The following MPP7 variants were observed in gnomAD, a reference collection of about 807,000 sequenced individuals.
MPP7 encodes the protein MAGUK p55 subfamily member 7.
A neutral mutation model predicts 76.5 loss-of-function variants in MPP7; 60 were observed. The observed-to-expected ratio is 0.78, with a 90% confidence interval of 0.64 to 0.97. The LOEUF is 0.97. Among genes scored for constraint, MPP7 ranks in the 50% least tolerant of loss-of-function variants. The probability of loss-of-function intolerance (pLI) is 0.00; values close to 1 mark genes in which losing one functional copy is unlikely to be tolerated. For synonymous variants in MPP7, 237 were observed against 244.5 expected, an observed-to-expected ratio of 0.97 and a Z score of 0.29; for missense variants, 641 against 694.0, an observed-to-expected ratio of 0.92 and a Z score of 0.86.
intron 1 of MPP7, among the ~76,000 whole-genome samples, chr10:28,333,705 G>A (rs1834490413): frequency 1.3e-5 from 2 of 152,212 alleles, no homozygotes; most frequent in Non-Finnish European, 2.9e-5. Context: ...GCAGGAAACA[G>A]TTTCCATTTG....
intron 2 of MPP7, among the ~76,000 whole-genome samples, chr10:28,227,254 T>C (rs1161861248): frequency 6.6e-6 from 1 of 152,246 alleles, no homozygotes; most frequent in African/African-American, 2.4e-5. Context: ...CACTGCTTCT[T>C]GTTCACAGAG....
chr10:28,165,172 G>A (rs540904483), intron 3 of MPP7, among the ~76,000 whole-genome samples: 24 of 152,150 alleles, frequency 1.6e-4, no homozygotes, highest in African/African-American at 4.3e-4. Flanking sequence ...CATCCAAATC[G>A]CCCGAGCCTG....
At chr10:28,081,353 G>A (rs1285176661) in intron 12 of MPP7, among the ~76,000 whole-genome samples, 3 of 152,130 alleles carry the variant, frequency 2.0e-5, no homozygotes, top group African/African-American at 4.8e-5. Flanking sequence ...AAAAAGTTGG[G>A]TTTCACTGAA....
intron 6 of MPP7, among the ~76,000 whole-genome samples, chr10:28,129,323 A>G (rs1466475105): frequency 6.6e-6 from 1 of 152,162 alleles, no homozygotes; most frequent in African/African-American, 2.4e-5. Context: ...AATTATTTTG[A>G]ATTTATTCTA....
intron 2 of MPP7, among the ~76,000 whole-genome samples, chr10:28,312,206 G>A (rs533689965): frequency 5.9e-5 from 9 of 152,110 alleles, no homozygotes; most frequent in South Asian, 2.1e-4. Context: ...TTGTCCCCTC[G>A]CATGTTCTGT....
At chr10:28,116,153 T>C (rs1040151963) in intron 11 of MPP7, among the ~76,000 whole-genome samples, 2 of 152,174 alleles carry the variant, frequency 1.3e-5, no homozygotes, top group African/African-American at 4.8e-5. Flanking sequence ...CAATATATAC[T>C]GGATTTAAAT....
At chr10:28,290,764 C>T (rs1840897892) in intron 1 of MPP7, among the ~76,000 whole-genome samples, 2 of 152,114 alleles carry the variant, frequency 1.3e-5, no homozygotes, top group African/African-American at 4.8e-5. Context: ...TGAGCCACCA[C>T]GCCCGGCCCC....
At chr10:28,234,131 G>A (rs1838989398) in intron 2 of MPP7, among the ~76,000 whole-genome samples, 1 of 152,094 alleles carries the variant, frequency 6.6e-6, no homozygotes, top group Admixed American at 6.5e-5. Context: ...CTAGGACTGG[G>A]GCAGGAAATA....
rs376513070 is a variant in MPP7, at chr10:28,093,914, C to CT, written c.953-4074_953-4073insA. Among the ~76,000 whole-genome samples, 598 of 152,304 alleles carry CT rather than the reference C, an allele frequency of 3.9e-3. 2 individuals carry two copies. The highest frequency in any genetic ancestry group is 0.014 in the African/African-American group (570 of 41,556). The stretch of plus-strand genomic sequence containing the variant: ...TGCTACAGAACAGTTGCTTGATAAA[C>CT]GTTTACTGAATGGAAGTAATTTTAA... On this transcript the variant is annotated intron_variant, in intron 11 of 16. Transcript: ENST00000683449.
chr10:28,262,277 AT>A (rs1195166638), intron 1 of MPP7, among the ~76,000 whole-genome samples: 552 of 54,314 alleles, frequency 0.01, 29 homozygotes, highest in African/African-American at 0.037. Context: ...ATATATATAT[AT>A]TTTTTTTTTT....
intron 1 of MPP7, among the ~76,000 whole-genome samples, chr10:28,241,151 T>C (rs554569380): frequency 6.6e-6 from 1 of 152,272 alleles, no homozygotes; most frequent in Admixed American, 6.5e-5. Context: ...TTATATCAAT[T>C]AGAATTTCAT....
intron 1 of MPP7, among the ~76,000 whole-genome samples, chr10:28,239,389 T>C (rs1388461837): frequency 1.3e-5 from 2 of 151,984 alleles, no homozygotes; most frequent in African/African-American, 4.8e-5. Flanking sequence ...TCAGGTCATA[T>C]GCCCGCCTTG....
intron 1 of MPP7, among the ~76,000 whole-genome samples, chr10:28,273,577 C>T (rs1458076338): frequency 6.6e-6 from 1 of 152,190 alleles, no homozygotes; most frequent in Non-Finnish European, 1.5e-5. Context: ...AGCTTACTCA[C>T]CCACATCTAC....
chr10:28,169,101 T>C (rs7078294), intron 3 of MPP7, among the ~76,000 whole-genome samples: 20,208 of 152,066 alleles, frequency 0.13, 2,044 homozygotes, highest in African/African-American at 0.28. Context: ...ATGATAAAAC[T>C]TGATATCTAG....
chr10:28,294,335 T>C (rs1475583179), intron 1 of MPP7, among the ~76,000 whole-genome samples: 1 of 152,152 alleles, frequency 6.6e-6, no homozygotes, highest in African/African-American at 2.4e-5. Flanking sequence ...GGTCATCAAA[T>C]ACAAAGTTGT....
At chr10:28,262,210 T>TATATATAC (rs1564741253) in intron 1 of MPP7, among the ~76,000 whole-genome samples, 158 of 8,196 alleles carry the variant, frequency 0.019, 7 homozygotes, top group East Asian at 0.031. Context: ...TATATATACA[T>TATATATAC]ATATATATAT....
chr10:28,069,491 C>A (rs1852124696), intron 13 of MPP7, among the ~76,000 whole-genome samples: 1 of 151,938 alleles, frequency 6.6e-6, no homozygotes, highest in African/African-American at 2.4e-5. Flanking sequence ...GTACTCCCAG[C>A]TACTTGGGAG....
chr10:28,334,010 T>C (rs1456039404), intron 1 of MPP7, among the ~76,000 whole-genome samples: 1 of 152,050 alleles, frequency 6.6e-6, no homozygotes, highest in Non-Finnish European at 1.5e-5. Context: ...CTGGCCAACA[T>C]AGTGAAACCT....
Position 28,089,720 on chromosome 10 carries a change from T to A in MPP7, c.1074A>T (p.Thr358=). 1 of 1,613,970 alleles carries A rather than the reference T, an allele frequency of 6.2e-7. No individual in the cohort carries two copies. The highest frequency in any genetic ancestry group is 8.5e-7 in the Non-Finnish European group (1 of 1,179,898). ...TADVPTYEEV[T]PYRRQTNEKY... is the part of the protein sequence containing the mutation. Reference sequence around the variant, plus strand: ...TTTCATTAGTTTGTCGCCGATACGGTGTCACTTCTTCGTATGTGGGTACGT... The same window carrying A: ...TTTCATTAGTTTGTCGCCGATACGGAGTCACTTCTTCGTATGTGGGTACGT... Residue 358 remains threonine (T), a synonymous_variant, in exon 12 of 17, where the codon ACA becomes ACT. Coordinates refer to ENST00000683449, the MANE Select transcript of MPP7 (RefSeq NM_001318170.2).
Sources: gnomAD v4.1 joint callset for allele counts (sites outside exome capture counted in the v4.1 genomes callset) on GRCh38, gnomAD v4.1.1 for gene constraint, MANE v1.5 for transcripts, NCBI Gene and HGNC (gene_info 2026-07-23, HGNC 2026-07-21) for gene names.